Variants in NFIB observed in about 807,000 individuals in gnomAD.
The protein encoded by NFIB is nuclear factor 1 B-type.
NFIB carries 11 observed loss-of-function variants against 61.5 expected under a neutral mutation model. That is an observed-to-expected ratio of 0.18 (90% CI 0.11 to 0.30). The LOEUF is 0.30. NFIB is among the 10% of genes least tolerant of loss of function. The probability of loss-of-function intolerance (pLI) is 1.00; values close to 1 mark genes in which losing one functional copy is unlikely to be tolerated. For synonymous variants in NFIB, 260 were observed against 216.5 expected, an observed-to-expected ratio of 1.20 and a Z score of -1.76; for missense variants, 471 against 608.9, an observed-to-expected ratio of 0.77 and a Z score of 2.38.
At chr9:14,350,158 G>A (rs1397759203) in intron 1 of NFIB, among the ~76,000 whole-genome samples, 2 of 152,086 alleles carry the variant, frequency 1.3e-5, no homozygotes, top group African/African-American at 4.8e-5. Flanking sequence ...TATTATTTCG[G>A]TTCAGTCCCA....
intron 6 of NFIB, among the ~76,000 whole-genome samples, chr9:14,134,904 A>C (rs2040847091): frequency 7.9e-6 from 1 of 126,536 alleles, no homozygotes; most frequent in Admixed American, 7.6e-5. Flanking sequence ...TCTCAAAAAA[A>C]AAAAAAAAAA....
At chr9:14,460,884 A>C in the NFIB span, among the ~76,000 whole-genome samples, 1 of 150,584 alleles carries the variant, frequency 6.6e-6, no homozygotes, top group African/African-American at 2.4e-5. Flanking sequence ...TTCACTTCTT[A>C]CTCCTTTCCC....
intron 2 of NFIB, among the ~76,000 whole-genome samples, chr9:14,283,219 G>GT (rs2058492919): frequency 6.6e-6 from 1 of 152,160 alleles, no homozygotes; most frequent in Non-Finnish European, 1.5e-5. Context: ...GGGTATCACT[G>GT]TGACTCCGGA....
intron 2 of NFIB, among the ~76,000 whole-genome samples, chr9:14,280,657 AC>A (rs1389144121): frequency 1.3e-5 from 2 of 152,140 alleles, no homozygotes; most frequent in Non-Finnish European, 2.9e-5. Context: ...TCCACAGGAG[AC>A]AACGTTAGGC....
chr9:14,477,864 T>A, the NFIB span, among the ~76,000 whole-genome samples: 1 of 152,134 alleles, frequency 6.6e-6, no homozygotes, highest in Non-Finnish European at 1.5e-5. Flanking sequence ...ATTGCAAGCA[T>A]TTTGGCAAAA....
In NFIB at chr9:14,385,412, G is replaced by T. The variant is rs1423250060; in HGVS notation, c.108+13112C>A. On this transcript the variant is annotated intron_variant, in intron 1 of 8. Transcript: ENST00000380934. ...TAGATGATACAGCCATCATACAGAGGGGGTTGGGAGGCCTTTGCAAAACAC... is the reference window on the plus strand; with the variant it reads ...TAGATGATACAGCCATCATACAGAGTGGGTTGGGAGGCCTTTGCAAAACAC... Among the ~76,000 whole-genome samples, 4 of 152,220 alleles carry T rather than the reference G, an allele frequency of 2.6e-5. No homozygotes were observed. The East Asian group carries it at 7.7e-4, about 29-fold the overall frequency.
the NFIB span, among the ~76,000 whole-genome samples, chr9:14,497,429 T>A: frequency 6.6e-6 from 1 of 152,230 alleles, no homozygotes; most frequent in Non-Finnish European, 1.5e-5. Context: ...TAGGAGCTTA[T>A]GTCCTAGAGA....
chr9:14,260,623 G>A (rs946257701), intron 2 of NFIB, among the ~76,000 whole-genome samples: 4 of 152,160 alleles, frequency 2.6e-5, no homozygotes, highest in Non-Finnish European at 5.9e-5. Flanking sequence ...GCAGATATAT[G>A]CACAGCTAAG....
intron 1 of NFIB, among the ~76,000 whole-genome samples, chr9:14,393,210 G>C (rs4741370): frequency 0.16 from 24,742 of 151,704 alleles, 2,573 homozygotes; most frequent in Admixed American, 0.35. Context: ...TTAATTTGTA[G>C]TCATATGATC....
intron 2 of NFIB, chr9:14,180,560 C>G (rs1300768940): frequency 6.6e-6 from 1 of 152,256 alleles, no homozygotes; most frequent in Admixed American, 6.5e-5. Context: ...CATGCCCTTT[C>G]GGACTGATCT....
upstream of NFIB, among the ~76,000 whole-genome samples, chr9:14,402,368 A>ACTT (rs1169309637): frequency 6.6e-6 from 1 of 152,186 alleles, no homozygotes; most frequent in African/African-American, 2.4e-5. Flanking sequence ...GAGACTCTGT[A>ACTT]CTTTGCTTCC....
intron 2 of NFIB, among the ~76,000 whole-genome samples, chr9:14,286,589 T>C (rs1239126804): frequency 2.0e-5 from 3 of 152,250 alleles, no homozygotes; most frequent in African/African-American, 7.2e-5. Flanking sequence ...TCACTACCAT[T>C]ACTCTTTTTA....
intron 7 of NFIB, among the ~76,000 whole-genome samples, chr9:14,125,201 A>G (rs974443966): frequency 6.6e-6 from 1 of 152,196 alleles, no homozygotes; most frequent in Admixed American, 6.5e-5. Flanking sequence ...TCTGTCGCCT[A>G]GGCTGGAGTG....
At chr9:14,153,733 A>G (rs16931410) in intron 4 of NFIB, among the ~76,000 whole-genome samples, 3,557 of 152,232 alleles carry the variant, frequency 0.023, 184 homozygotes, top group East Asian at 0.19. Context: ...CATACTGTAA[A>G]CCCTCAAGAA....
intron 2 of NFIB, among the ~76,000 whole-genome samples, chr9:14,235,743 G>A (rs1346370219): frequency 6.6e-6 from 1 of 152,162 alleles, no homozygotes; most frequent in Non-Finnish European, 1.5e-5. Context: ...GGCTCGTCCA[G>A]AAGCATCACT....
chr9:14,498,797 CCCTTCCTCCCTTCCTCCCTTCCTCCCTT>C, the NFIB span, among the ~76,000 whole-genome samples: 4 of 53,462 alleles, frequency 7.5e-5, no homozygotes, highest in South Asian at 8.4e-4. Context: ...CTCCCTCCCT[CCCTTCCTCCCTTCCTCCCTTCCTCCCTT>C]CCTCCCTTCC....
intron 1 of NFIB, among the ~76,000 whole-genome samples, chr9:14,320,998 T>C (rs181199758): frequency 1.9e-3 from 284 of 152,226 alleles, no homozygotes; most frequent in Non-Finnish European, 1.9e-3. Context: ...GTGGCAGTTC[T>C]TCCAACCCGA....
At chr9:14,180,034 G>A (rs935072664) in intron 2 of NFIB, among the ~76,000 whole-genome samples, 6 of 152,058 alleles carry the variant, frequency 3.9e-5, no homozygotes, top group African/African-American at 1.2e-4. Flanking sequence ...AGGTTTTTTT[G>A]AAACAAAAGA....
chr9:14,420,693 C>T, the NFIB span, among the ~76,000 whole-genome samples: 14 of 152,020 alleles, frequency 9.2e-5, no homozygotes, highest in Admixed American at 5.9e-4. Flanking sequence ...CCAGAAAACC[C>T]GCAAAGTGGA....
Sources: gnomAD v4.1 joint callset for allele counts (sites outside exome capture counted in the v4.1 genomes callset) on GRCh38, gnomAD v4.1.1 for gene constraint, MANE v1.5 for transcripts, NCBI Gene and HGNC (gene_info 2026-07-23, HGNC 2026-07-21) for gene names.